The following SCRIB variants were observed in gnomAD, a reference collection of about 807,000 sequenced individuals.
The protein encoded by SCRIB is scribble planar cell polarity protein.
In SCRIB, 72 loss-of-function variants were observed where a neutral mutation model predicts 170.0. The ratio of observed to expected loss-of-function variants is 0.42; its 90% confidence interval spans 0.35 to 0.52. SCRIB has a LOEUF of 0.52. Among genes scored for constraint, SCRIB ranks in the 20% least tolerant of loss-of-function variants. The pLI, the probability that SCRIB is intolerant of heterozygous loss-of-function variation, is 0.02. For synonymous variants in SCRIB, 1,298 were observed against 1,044.3 expected, an observed-to-expected ratio of 1.24 and a Z score of -4.68; for missense variants, 2,475 against 2,338.5, an observed-to-expected ratio of 1.06 and a Z score of -1.20.
intron 26 of SCRIB, 61 bp downstream of exon 26, chr8:143,795,216 A>G: frequency 6.2e-7 from 1 of 1,606,674 alleles, no homozygotes; most frequent in Non-Finnish European, 8.5e-7. Flanking sequence ...CCAGCACCCC[A>G]CAGGCAATGT....
intron 16 of SCRIB, 21 bp downstream of exon 16, chr8:143,807,531 T>A (rs1815483404): frequency 6.2e-7 from 1 of 1,606,778 alleles, no homozygotes; most frequent in African/African-American, 1.3e-5. Flanking sequence ...CCGGCCAGAG[T>A]GCAGAGCGAG....
chr8:143,804,517 G>C, intron 21 of SCRIB, 51 bp downstream of exon 21: 1 of 1,476,064 alleles, frequency 6.8e-7, no homozygotes, highest in South Asian at 1.4e-5. Context: ...GGGAAGGCCA[G>C]TGCCCACAGC....
In SCRIB at chr8:143,803,591, G is replaced by A. The variant is rs1554635477; in HGVS notation, c.3415-20C>T. 2 of 1,588,820 alleles carry A rather than the reference G, an allele frequency of 1.3e-6. No homozygotes were observed. The highest frequency in any genetic ancestry group is 1.7e-5 in the Admixed American group (1 of 58,622). ...GCTCACCTGTGGGGAGACGTGGTAT[G>A]GGAGAGACCTGTTGGGGGGTGGGGC... is the stretch of plus-strand genomic sequence containing the variant. On this transcript the variant is annotated intron_variant, in intron 23 of 36. Transcript: ENST00000356994.
chr8:143,795,461 A>G lies in SCRIB; in HGVS notation c.3673T>C (p.Ser1225Pro). 2.5e-6 allele frequency: 4 copies of G among 1,613,216 alleles called. No homozygotes were observed. ...GGGCTCAGCTCCCGGTCGATGGAAG[A>G]GATGCTCTCCAGGCTGTTCCGGTGG... Reference protein sequence around the residue: ...IGHRNSLESISSIDRELSPEG... With the variant: ...IGHRNSLESIPSIDRELSPEG... The change falls in exon 25 of 37, where the codon TCT (serine) becomes CCT (proline). Residue 1225 changes from serine to proline, a missense_variant. Transcript: ENST00000356994.
At position 143,812,259 on chromosome 8, in the gene SCRIB, A is replaced by AC; in HGVS notation, c.906+6dup. 1 of 1,580,190 alleles carries AC rather than the reference A, an allele frequency of 6.3e-7. No individual in the cohort carries two copies. The highest frequency in any genetic ancestry group is 8.7e-7 in the Non-Finnish European group (1 of 1,149,386). On this transcript the variant is annotated splice_region_variant and intron_variant, in intron 9 of 36. Transcript: ENST00000356994. ...CCATCCTTTCTGCCTCCCAAGCCAG[A>AC]CCCTACCATCAGCAGGTTCTCCGTG...
rs781902680 is a variant in SCRIB, at chr8:143,805,092, G to A, written c.2670+20C>T. 3.1e-6 allele frequency: 5 copies of A among 1,596,064 alleles called. No individual in the cohort carries two copies. The African/African-American group carries it at 5.4e-5, about 17-fold the overall frequency. ...GTCAGCTCTAGAGCAGCCCTCCCCG[G>A]CCCTGGGCCCCAGCCTCACCGCATC... is the stretch of plus-strand genomic sequence containing the variant. On this transcript the variant is annotated intron_variant, in intron 19 of 36. Transcript: ENST00000356994.
rs782099608 is a variant in SCRIB at position 143,805,173 on chromosome 8, C to G, written c.2609G>C (p.Arg870Thr). Residue 870 changes from arginine to threonine, a missense_variant, in exon 19 of 37, where the codon AGG (arginine) becomes ACG (threonine). Around this residue, in one of 3 missense-constraint regions of SCRIB, gnomAD observed 1,966 missense variants for 1,742.9 expected, o/e 1.13. Transcript: ENST00000356994. ...RHVACLARSE[R>T]GLGFSIAGGK... ...ACCAGCAATGCTGAAGCCCAGCCCC[C>G]TCTCGCTGCGTGCCAGGCAGGCCAC... The G allele has an allele frequency of 8.9e-6, 14 of 1,574,598 alleles. No homozygotes were observed. In the Middle Eastern group the frequency reaches 5.1e-4, roughly 57 times the overall value.
rs1586545331 is a variant in SCRIB at position 143,815,743 on chromosome 8, C to T, written c.-371G>A. On this transcript the variant is annotated 5_prime_UTR_variant, in exon 1 of 37. Coordinates refer to ENST00000356994, the MANE Select transcript of SCRIB (RefSeq NM_182706.5). ...GACTGCCCCGCCGACACCCACCCGG[C>T]CGCCGCGCAGCCCGTCGGGAAGCCG... 1.0e-6 allele frequency: 1 copy of T among 984,284 alleles called. No individual in the cohort carries two copies. The highest frequency in any genetic ancestry group is 1.1e-4 in the East Asian group (1 of 8,770). The allele number at this position is 984,284 out of a possible 1,614,324, so 61.0% of individuals were successfully genotyped here.
At chr8:143,806,767 T>C (rs998303272) in intron 17 of SCRIB, among the ~76,000 whole-genome samples, 157 bp downstream of exon 17, 2 of 152,214 alleles carry the variant, frequency 1.3e-5, no homozygotes, top group Admixed American at 6.5e-5. Context: ...CAGGTTGCTC[T>C]TGGACTTCGG....
intron 15 of SCRIB, 110 bp downstream of exon 15, chr8:143,808,499 G>A (rs374364555): frequency 1.5e-5 from 20 of 1,328,772 alleles, no homozygotes; most frequent in East Asian, 1.3e-4. Flanking sequence ...CACCTTCTCC[G>A]GGTGGCCAGG....
intron 15 of SCRIB, 43 bp from the exon 16 acceptor site, chr8:143,807,657 C>A (rs1443495797): frequency 6.8e-7 from 1 of 1,479,346 alleles, no homozygotes; most frequent in Admixed American, 1.7e-5. Flanking sequence ...TAGCCACCGC[C>A]AAGACCACCA....
intron 28 of SCRIB, chr8:143,793,303 C>T (rs782005890): frequency 6.1e-5 from 27 of 441,910 alleles, no homozygotes; most frequent in Non-Finnish European, 9.5e-5. Context: ...GCCCCTTGGC[C>T]AGGCCTGAGC....
chr8:143,812,860 C>G lies in SCRIB; in HGVS notation c.744G>C (p.Leu248=). Residue 248 remains leucine, a synonymous_variant, in exon 8 of 37, where the codon CTG becomes CTC. Transcript: ENST00000356994. ...TCCGCAGCAGGTTCTGGGACAGCAG[C>G]AGGTCAGTGAGCAGCACCAGCCCGC... is the stretch of plus-strand genomic sequence containing the variant. ...ELGGLVLLTD[L]LLSQNLLRRL... 1 of 1,606,712 alleles carries G rather than the reference C, an allele frequency of 6.2e-7. No homozygotes were observed. Among genetic ancestry groups the G allele is most frequent in the Non-Finnish European group, 8.5e-7 (1 of 1,179,830 alleles).
chr8:143,794,980 T>G (rs1187838797), intron 27 of SCRIB, 58 bp downstream of exon 27: 1 of 1,525,462 alleles, frequency 6.6e-7, no homozygotes, highest in Non-Finnish European at 9.0e-7. Flanking sequence ...TGTCCTGGGG[T>G]GGCCGATGAA....
rs1232280672 is a variant in SCRIB at position 143,812,500 on chromosome 8, G to A, written c.788-116C>T. The A allele has an allele frequency of 3.0e-5, 25 of 825,384 alleles. 1 individual carries two copies. The highest frequency in any genetic ancestry group is 1.4e-4 in the African/African-American group (8 of 57,530). The allele number at this position is 825,384 out of a possible 1,614,324, so 51.1% of individuals were successfully genotyped here. A position where few individuals can be genotyped will look rare whatever the true frequency, so the allele number is the denominator to read the frequency against. ...AAGGCCCCCAGCCCCTTCTGCCGCC[G>A]CCGTACTTCGGGAGGACCCTACCTA... On this transcript the variant is annotated intron_variant, in intron 8 of 36. Coordinates refer to ENST00000356994, the MANE Select transcript of SCRIB (RefSeq NM_182706.5).
chr8:143,792,981 CA>C lies in SCRIB; in HGVS notation c.4011del (p.Ala1338ProfsTer169). On this transcript the variant is annotated frameshift_variant, in exon 29 of 37. Transcript: ENST00000356994. LOFTEE classifies it high-confidence loss of function. ...VPTSHPPEDA[P>X]AQPPTPGPAA... The stretch of plus-strand genomic sequence containing the variant: ...GGCGTGCTGCCCCCACACACCTGGG[CA>C]GGGGCATCCTCAGGCGGGTGAGAAG... 1 of 1,510,292 alleles carries C rather than the reference CA, an allele frequency of 6.6e-7. No individual in the cohort carries two copies. Among genetic ancestry groups the C allele is most frequent in the Non-Finnish European group, 8.9e-7 (1 of 1,128,440 alleles). The allele number at this position is 1,510,292 out of a possible 1,614,324, so 93.6% of individuals were successfully genotyped here. A position where few individuals can be genotyped will look rare whatever the true frequency, so the allele number is the denominator to read the frequency against.
At position 143,803,610 on chromosome 8, in the gene SCRIB, G is replaced by A. The variant is rs781804208; in HGVS notation, c.3414+37C>T. 4.5e-6 allele frequency: 7 copies of A among 1,560,372 alleles called. No homozygotes were observed. In the South Asian group the frequency reaches 6.9e-5, roughly 15 times the overall value. On this transcript the variant is annotated intron_variant, in intron 23 of 36. Coordinates refer to ENST00000356994, the MANE Select transcript of SCRIB (RefSeq NM_182706.5). The stretch of plus-strand genomic sequence containing the variant: ...TGGTATGGGAGAGACCTGTTGGGGG[G>A]TGGGGCCCAGGGCGGGCTGGGGTGG...
Position 143,811,134 on chromosome 8 carries a change from G to T in SCRIB, c.1106+12C>A. On this transcript the variant is annotated intron_variant, in intron 10 of 36. Transcript: ENST00000356994. ...GCCACGGTTAGGCCCGCAGGGCAAG[G>T]CTGGCACTCACCGGTTCCCCGCCAC... is the stretch of plus-strand genomic sequence containing the variant. 1 of 1,598,866 alleles carries T rather than the reference G, an allele frequency of 6.3e-7. No homozygotes were observed.
chr8:143,809,149 C>T lies in SCRIB; in HGVS notation c.1699-124G>A. On this transcript the variant is annotated intron_variant, in intron 14 of 36. Transcript: ENST00000356994. Reference sequence around the variant, plus strand: ...CTCCCCGCCACACAAAGACTCAGCACTAACTGCCCAGTGAGGGGCGCGTGT... The same window carrying T: ...CTCCCCGCCACACAAAGACTCAGCATTAACTGCCCAGTGAGGGGCGCGTGT... 5 of 1,299,234 alleles carry T rather than the reference C, an allele frequency of 3.8e-6. No homozygotes were observed. The South Asian group carries it at 7.4e-5, about 19-fold the overall frequency. The allele number at this position is 1,299,234 out of a possible 1,614,324, so 80.5% of individuals were successfully genotyped here.
Sources: gnomAD v4.1 joint callset for allele counts (sites outside exome capture counted in the v4.1 genomes callset) on GRCh38, gnomAD v4.1.1 for gene constraint, gnomAD v4.1.1 regional missense constraint, MANE v1.5 for transcripts, NCBI Gene and HGNC (gene_info 2026-07-23, HGNC 2026-07-21) for gene names.